CLASP1: variants seen among roughly 807,000 people sequenced by gnomAD.
The protein encoded by CLASP1 is cytoplasmic linker associated protein 1.
Under a neutral mutation model 192.3 loss-of-function variants are expected in CLASP1, and 38 were observed. That is an observed-to-expected ratio of 0.20 (90% confidence interval 0.15 to 0.26). The LOEUF (loss-of-function observed/expected upper bound fraction) is 0.26, where lower values mean the gene tolerates loss of function less well. Among genes scored for constraint, CLASP1 ranks in the 10% least tolerant of loss-of-function variants. The pLI is 1.00. For synonymous variants in CLASP1, 691 were observed against 712.8 expected (o/e 0.97, Z 0.49); for missense variants, 1,433 against 1,932.5 (o/e 0.74, Z 4.85).
rs992754936 is a variant in CLASP1 at position 121,530,905 on chromosome 2, T to C, written c.196-580A>G. ...AACCATCCTTTTCTTGGGGTTGCGC[T>C]ACTGTCCAATGAGCGCATAGTGAGG... On this transcript the variant is annotated intron_variant, in intron 2 of 39. Transcript: ENST00000263710. The C allele has an allele frequency of 1.4e-5, 10 of 697,710 alleles. No individual in the cohort carries two copies. The highest frequency in any genetic ancestry group is 2.7e-5 in the East Asian group (1 of 37,188). The allele number at this position is 697,710 out of a possible 1,614,324, so 43.2% of individuals were successfully genotyped here.
intron 30 of CLASP1, among the ~76,000 whole-genome samples, chr2:121,394,878 TCAAA>T (rs1392244638): frequency 3.3e-5 from 5 of 152,222 alleles, no homozygotes; most frequent in African/African-American, 9.6e-5. Context: ...AGACTCCGTC[TCAAA>T]CAAACAAACC....
At chr2:121,402,265 C>T (rs868389423) in intron 26 of CLASP1, among the ~76,000 whole-genome samples, 7 of 152,238 alleles carry the variant, frequency 4.6e-5, no homozygotes, top group Middle Eastern at 6.8e-3. Context: ...TAATAGATTA[C>T]GGCTTAGAAT....
chr2:121,469,137 T>G (rs141031553), intron 9 of CLASP1, among the ~76,000 whole-genome samples: 14 of 152,248 alleles, frequency 9.2e-5, no homozygotes, highest in African/African-American at 3.4e-4. Context: ...GGTGTTGAGC[T>G]CTGCCCTTCC....
chr2:121,427,513 C>T lies in CLASP1; in HGVS notation c.2018-83G>A, dbSNP rs751290386. 4.2e-6 allele frequency: 6 copies of T among 1,414,082 alleles called. No individual in the cohort carries two copies. In the Admixed American group the frequency reaches 9.1e-5, roughly 21 times the overall value. The allele number at this position is 1,414,082 out of a possible 1,614,324, so 87.6% of individuals were successfully genotyped here. ...CAATACAGAAGGTCAGCATGCAACA[C>T]AACACAAAGGTCTTTGTTCACAAAT... On this transcript the variant is annotated intron_variant, in intron 20 of 39. Coordinates refer to ENST00000263710, the Ensembl canonical transcript of CLASP1.
chr2:121,430,884 C>T (rs191991705), intron 19 of CLASP1, among the ~76,000 whole-genome samples: 2 of 150,522 alleles, frequency 1.3e-5, no homozygotes, highest in Non-Finnish European at 2.9e-5. Context: ...AAAATTACAG[C>T]AATTATTGAA....
chr2:121,358,241 T>C (rs1432405841), intron 37 of CLASP1, among the ~76,000 whole-genome samples: 1 of 152,218 alleles, frequency 6.6e-6, no homozygotes, highest in East Asian at 1.9e-4. Context: ...TAGGGAAAAC[T>C]GAAAATTTAG....
At chr2:121,426,519 A>G (rs971172945) in intron 21 of CLASP1, among the ~76,000 whole-genome samples, 30 of 152,236 alleles carry the variant, frequency 2.0e-4, no homozygotes, top group African/African-American at 7.0e-4. Flanking sequence ...CTGTGTGTGT[A>G]TATGTATGTA....
chr2:121,378,517 G>A (rs1396460814), intron 33 of CLASP1, among the ~76,000 whole-genome samples: 1 of 152,144 alleles, frequency 6.6e-6, no homozygotes, highest in African/African-American at 2.4e-5. Context: ...TCTGGAAAGT[G>A]CACTGAAACA....
intron 30 of CLASP1, among the ~76,000 whole-genome samples, chr2:121,392,298 G>A (rs1235632201): frequency 6.6e-6 from 1 of 152,142 alleles, no homozygotes; most frequent in Admixed American, 6.5e-5. Context: ...TGATCACCTG[G>A]CTTCCTAAAT....
At chr2:121,622,648 G>A (rs2067575224) in intron 1 of CLASP1, among the ~76,000 whole-genome samples, 1 of 151,124 alleles carries the variant, frequency 6.6e-6, no homozygotes, top group African/African-American at 2.4e-5. Flanking sequence ...TGACGCTACT[G>A]TGAATGGAAT....
At chr2:121,569,435 C>T (rs983447182) in intron 2 of CLASP1, among the ~76,000 whole-genome samples, 3 of 152,244 alleles carry the variant, frequency 2.0e-5, no homozygotes, top group Non-Finnish European at 2.9e-5. Flanking sequence ...ACAGCTAGGG[C>T]TAGGCCTTCG....
At chr2:121,584,932 A>G (rs2061558772) in intron 2 of CLASP1, among the ~76,000 whole-genome samples, 2 of 152,250 alleles carry the variant, frequency 1.3e-5, no homozygotes, top group East Asian at 1.9e-4. Context: ...GAAACAAAAG[A>G]AGGCTATCAC....
intron 8 of CLASP1, among the ~76,000 whole-genome samples, chr2:121,479,450 C>T (rs908700019): frequency 2.0e-4 from 30 of 152,288 alleles, no homozygotes; most frequent in Admixed American, 9.2e-4. Context: ...AAGGAAACTA[C>T]ATAACATTCT....
intron 2 of CLASP1, among the ~76,000 whole-genome samples, chr2:121,536,811 A>G (rs1029707971): frequency 2.0e-5 from 3 of 152,226 alleles, no homozygotes; most frequent in Non-Finnish European, 4.4e-5. Context: ...TTATTATTTA[A>G]TGGCTACAGG....
intron 2 of CLASP1, among the ~76,000 whole-genome samples, chr2:121,599,982 C>G (rs1347809090): frequency 1.3e-5 from 2 of 151,524 alleles, no homozygotes; most frequent in Non-Finnish European, 1.5e-5. Flanking sequence ...TAAAGCTAAT[C>G]CCTTTAATCT....
At chr2:121,376,118 C>T (rs563320379) in intron 34 of CLASP1, among the ~76,000 whole-genome samples, 2 of 152,200 alleles carry the variant, frequency 1.3e-5, no homozygotes, top group Non-Finnish European at 2.9e-5. Context: ...AAAACAGTAT[C>T]GTGGTTTCTC....
At chr2:121,424,217 G>C (rs1030123562) in intron 22 of CLASP1, among the ~76,000 whole-genome samples, 3 of 152,174 alleles carry the variant, frequency 2.0e-5, no homozygotes, top group African/African-American at 7.2e-5. Flanking sequence ...TCGTCATACT[G>C]TGTTACATTT....
At chr2:121,577,426 C>T (rs2060633356) in intron 2 of CLASP1, among the ~76,000 whole-genome samples, 1 of 152,088 alleles carries the variant, frequency 6.6e-6, no homozygotes, top group South Asian at 2.1e-4. Flanking sequence ...ACAAGAAAAC[C>T]TATCTGGCTA....
intron 8 of CLASP1, among the ~76,000 whole-genome samples, chr2:121,483,823 T>C (rs928329260): frequency 3.3e-5 from 5 of 152,222 alleles, no homozygotes; most frequent in Non-Finnish European, 7.3e-5. Context: ...ATTTACATAA[T>C]TATAAAGAAT....
Sources: gnomAD v4.1 joint callset for allele counts (sites outside exome capture counted in the v4.1 genomes callset) on GRCh38, gnomAD v4.1.1 for gene constraint, MANE v1.5 for transcripts, NCBI Gene and HGNC (gene_info 2026-07-23, HGNC 2026-07-21) for gene names.